NBAS: variants seen among roughly 807,000 people sequenced by gnomAD.
NBAS encodes the protein NBAS subunit of NRZ tethering complex, also known as NAG/BC035112 fusion.
In NBAS, 219 loss-of-function variants were observed where a neutral mutation model predicts 302.5. The ratio of observed to expected loss-of-function variants is 0.72; its 90% confidence interval spans 0.65 to 0.81. NBAS has a LOEUF of 0.81. Ranked by LOEUF, NBAS falls within the 30% of genes least tolerant of loss-of-function variation. The pLI is 0.00. For missense variants in NBAS, 2,932 were observed against 2,841.6 expected (o/e 1.03, Z -0.72); for synonymous variants, 1,118 against 1,021.6 (o/e 1.09, Z -1.80).
At chr2:15,402,334 C>A in intron 25 of NBAS, 33 bp from the exon 26 acceptor site, 2 of 1,610,202 alleles carry the variant, frequency 1.2e-6, no homozygotes, top group South Asian at 1.1e-5. Context: ...TACTAAATGT[C>A]AACAGATTTA....
At chr2:15,389,535 A>T (rs1675484514) in intron 28 of NBAS, among the ~76,000 whole-genome samples, 1 of 152,230 alleles carries the variant, frequency 6.6e-6, no homozygotes, top group South Asian at 2.1e-4. Context: ...AAGTCATCTG[A>T]TTCCCGAGTC....
chr2:14,788,588 C>G, the NBAS span, among the ~76,000 whole-genome samples: 6 of 152,168 alleles, frequency 3.9e-5, no homozygotes, highest in Non-Finnish European at 7.3e-5. Context: ...GAGGTCCACT[C>G]CAGACCCTGT....
chr2:14,885,922 C>T, the NBAS span, among the ~76,000 whole-genome samples: 1 of 152,072 alleles, frequency 6.6e-6, no homozygotes, highest in Non-Finnish European at 1.5e-5. Flanking sequence ...GGAACAAAAG[C>T]CAGATTGGCA....
chr2:15,551,449 C>T (rs533404766), intron 6 of NBAS, 44 bp downstream of exon 6: 13 of 1,313,484 alleles, frequency 9.9e-6, no homozygotes, highest in South Asian at 2.5e-5. Flanking sequence ...GAAACCATTG[C>T]GCATTTGAAA....
At chr2:15,539,802 A>G (rs1223086058) in intron 6 of NBAS, among the ~76,000 whole-genome samples, 1 of 152,170 alleles carries the variant, frequency 6.6e-6, no homozygotes, top group African/African-American at 2.4e-5. Flanking sequence ...AAGCCAAGAT[A>G]CAAATTGGGA....
chr2:15,337,130 T>G lies in NBAS; in HGVS notation c.4180-6365A>C, dbSNP rs549346922. On this transcript the variant is annotated intron_variant, in intron 35 of 51. Transcript: ENST00000281513. ...CTCTACAAACAATTAAAAAATCCAT[T>G]TAATTGTTTAAATCTTATATTTAAT... Among the ~76,000 whole-genome samples, 5 of 152,236 alleles carry G rather than the reference T, an allele frequency of 3.3e-5. No individual in the cohort carries two copies. The South Asian group carries it at 1.0e-3, about 32-fold the overall frequency.
chr2:15,268,428 A>T (rs1669171722), intron 44 of NBAS, among the ~76,000 whole-genome samples: 1 of 152,186 alleles, frequency 6.6e-6, no homozygotes, highest in Admixed American at 6.5e-5. Flanking sequence ...TGGTTTTTTT[A>T]AAAAGGCAAA....
the NBAS span, among the ~76,000 whole-genome samples, chr2:14,874,907 T>G: frequency 6.6e-6 from 1 of 152,166 alleles, no homozygotes; most frequent in South Asian, 2.1e-4. Flanking sequence ...AAAACTCATT[T>G]GGCTATCACA....
the NBAS span, among the ~76,000 whole-genome samples, chr2:14,829,030 TTTTG>T: frequency 5.3e-5 from 8 of 152,086 alleles, no homozygotes; most frequent in African/African-American, 1.9e-4. Context: ...TGGTGGTGAT[TTTTG>T]TTTTTCTTTT....
chr2:14,863,011 G>A, the NBAS span, among the ~76,000 whole-genome samples: 20 of 152,226 alleles, frequency 1.3e-4, no homozygotes, highest in Non-Finnish European at 2.4e-4. Flanking sequence ...TCAGTGGCAT[G>A]TTTCAGGAAC....
At chr2:15,098,566 A>G in the NBAS span, among the ~76,000 whole-genome samples, 2 of 120,030 alleles carry the variant, frequency 1.7e-5, no homozygotes, top group African/African-American at 6.7e-5. Context: ...TATATTATAT[A>G]TTGTATATAA....
chr2:15,543,260 C>T (rs986032454), intron 6 of NBAS, among the ~76,000 whole-genome samples: 3 of 152,080 alleles, frequency 2.0e-5, no homozygotes, highest in Non-Finnish European at 4.4e-5. Flanking sequence ...TTTGTGGATG[C>T]TATTTTCTCT....
chr2:15,400,308 G>T lies in NBAS; in HGVS notation c.3071+1860C>A, dbSNP rs192465909. Reference sequence around the variant, plus strand: ...TCACGACTGCAAGTAGTTCATGAGGGTGATGGAAAAAAAGAAAACAACAGA... The same window carrying T: ...TCACGACTGCAAGTAGTTCATGAGGTTGATGGAAAAAAAGAAAACAACAGA... On this transcript the variant is annotated intron_variant, in intron 26 of 51. Coordinates refer to ENST00000281513, the MANE Select transcript of NBAS (RefSeq NM_015909.4). Among the ~76,000 whole-genome samples the T allele has an allele frequency of 7.3e-5, 11 of 151,724 alleles. 1 individual carries two copies. The South Asian group carries it at 1.5e-3, about 20-fold the overall frequency.
At chr2:15,348,040 A>C (rs1341094737) in intron 35 of NBAS, among the ~76,000 whole-genome samples, 1 of 152,242 alleles carries the variant, frequency 6.6e-6, no homozygotes, top group Non-Finnish European at 1.5e-5. Context: ...ACATAAAGTC[A>C]TCTCTCATTT....
chr2:15,257,704 G>A (rs573983728), intron 44 of NBAS, among the ~76,000 whole-genome samples: 2 of 152,082 alleles, frequency 1.3e-5, no homozygotes, highest in East Asian at 1.9e-4. Flanking sequence ...AATTTATGAA[G>A]GATCTAAATG....
At chr2:15,207,756 T>C (rs1182744917) in intron 48 of NBAS, among the ~76,000 whole-genome samples, 1 of 152,200 alleles carries the variant, frequency 6.6e-6, no homozygotes, top group Non-Finnish European at 1.5e-5. Flanking sequence ...TTGCTCTTCA[T>C]TTGCTGTCAT....
the NBAS span, among the ~76,000 whole-genome samples, chr2:14,886,478 C>CT: frequency 3.9e-5 from 6 of 152,318 alleles, no homozygotes; most frequent in East Asian, 1.2e-3. Context: ...TTAAAATGAT[C>CT]TGTGGGTGTT....
the NBAS span, among the ~76,000 whole-genome samples, chr2:14,972,359 T>C: frequency 6.6e-6 from 1 of 152,152 alleles, no homozygotes; most frequent in Admixed American, 6.6e-5. Flanking sequence ...CAAACCACCA[T>C]GGCACACAAA....
chr2:15,013,528 T>C, the NBAS span, among the ~76,000 whole-genome samples: 9 of 152,190 alleles, frequency 5.9e-5, no homozygotes, highest in African/African-American at 2.2e-4. Flanking sequence ...TTCATGCCTG[T>C]AATCCCAACA....
Sources: gnomAD v4.1 joint callset for allele counts (sites outside exome capture counted in the v4.1 genomes callset) on GRCh38, gnomAD v4.1.1 for gene constraint, MANE v1.5 for transcripts, NCBI Gene and HGNC (gene_info 2026-07-23, HGNC 2026-07-21) for gene names.